SORCS1: variants seen among roughly 807,000 people sequenced by gnomAD.
SORCS1 encodes sortilin related VPS10 domain containing receptor 1, also known as VPS10 domain-containing receptor SorCS1.
In SORCS1, 60 loss-of-function variants were observed where a neutral mutation model predicts 146.1. The ratio of observed to expected loss-of-function variants is 0.41; its 90% confidence interval spans 0.33 to 0.51. SORCS1 has a LOEUF of 0.51. SORCS1 is among the 20% of genes least tolerant of loss of function. The pLI is 0.21. For synonymous variants in SORCS1, 637 were observed against 584.0 expected, an observed-to-expected ratio of 1.09 and a Z score of -1.31; for missense variants, 1,352 against 1,487.6, an observed-to-expected ratio of 0.91 and a Z score of 1.50.
intron 1 of SORCS1, among the ~76,000 whole-genome samples, chr10:107,065,625 C>A (rs1961773925): frequency 6.6e-6 from 1 of 151,554 alleles, no homozygotes. Context: ...TCAAGCGATC[C>A]TCCCACCTCA....
intron 2 of SORCS1, among the ~76,000 whole-genome samples, chr10:106,890,208 C>A (rs1951176400): frequency 6.6e-6 from 1 of 152,180 alleles, no homozygotes; most frequent in Admixed American, 6.5e-5. Context: ...TTGGCTATTT[C>A]CCTCCCATTT....
At chr10:107,143,929 C>T (rs1470761130) in intron 1 of SORCS1, among the ~76,000 whole-genome samples, 1 of 152,216 alleles carries the variant, frequency 6.6e-6, no homozygotes, top group Admixed American at 6.5e-5. Context: ...CTGCGCCCAG[C>T]CCCAAACTCT....
At chr10:106,644,978 T>C (rs1160524727) in intron 18 of SORCS1, among the ~76,000 whole-genome samples, 2 of 152,196 alleles carry the variant, frequency 1.3e-5, no homozygotes, top group Admixed American at 1.3e-4. Context: ...CTGATGAGTA[T>C]ATACTTAAAA....
intron 1 of SORCS1, among the ~76,000 whole-genome samples, chr10:107,128,784 A>T (rs1966840753): frequency 6.6e-6 from 1 of 152,176 alleles, no homozygotes; most frequent in East Asian, 1.9e-4. Context: ...GATGTTGATT[A>T]ACATCAATTC....
In SORCS1 at chr10:106,574,954, T is replaced by G. The variant is rs1844514951; in HGVS notation, c.*2466A>C. On this transcript the variant is annotated 3_prime_UTR_variant, in exon 26 of 26. Coordinates refer to ENST00000263054, the MANE Select transcript of SORCS1 (RefSeq NM_052918.5). ...GCCCATTCTTCCCTATGTCTTTCCATTCATTTATTTCTTCAACAAATAGTT... is the reference window on the plus strand; with the variant it reads ...GCCCATTCTTCCCTATGTCTTTCCAGTCATTTATTTCTTCAACAAATAGTT... 6.6e-6 allele frequency: 1 copy of G among 152,646 alleles called. No homozygotes were observed. The highest frequency in any genetic ancestry group is 1.5e-5 in the Non-Finnish European group (1 of 68,040). The allele number at this position is 152,646 out of a possible 1,614,324, so 9.5% of individuals were successfully genotyped here.
chr10:106,607,774 C>T (rs1207508493), intron 22 of SORCS1, among the ~76,000 whole-genome samples: 2 of 152,148 alleles, frequency 1.3e-5, no homozygotes, highest in Non-Finnish European at 2.9e-5. Context: ...CCTTTCTAAC[C>T]TAGCTTCCTC....
chr10:106,729,478 G>C (rs1856445065), intron 6 of SORCS1, among the ~76,000 whole-genome samples: 1 of 150,652 alleles, frequency 6.6e-6, no homozygotes, highest in African/African-American at 2.4e-5. Context: ...AGTGTTTTGT[G>C]AATCTCCAAA....
chr10:107,088,731 T>C (rs1193296007), intron 1 of SORCS1, among the ~76,000 whole-genome samples: 1 of 152,210 alleles, frequency 6.6e-6, no homozygotes, highest in Non-Finnish European at 1.5e-5. Flanking sequence ...CCTACTCATC[T>C]GTAATTTAGA....
intron 1 of SORCS1, among the ~76,000 whole-genome samples, chr10:107,151,399 C>A (rs1301259612): frequency 6.6e-6 from 1 of 152,052 alleles, no homozygotes; most frequent in Non-Finnish European, 1.5e-5. Flanking sequence ...ATACCTGAGA[C>A]TGGGAAGAAA....
At chr10:107,062,491 A>G (rs533220129) in intron 1 of SORCS1, among the ~76,000 whole-genome samples, 10 of 152,084 alleles carry the variant, frequency 6.6e-5, no homozygotes, top group Non-Finnish European at 1.5e-4. Flanking sequence ...AATACTCATG[A>G]AAACAGAAGG....
At chr10:106,643,847 A>C (rs762444519) in intron 18 of SORCS1, among the ~76,000 whole-genome samples, 2 of 152,224 alleles carry the variant, frequency 1.3e-5, no homozygotes, top group East Asian at 1.9e-4. Flanking sequence ...TATCATTTGC[A>C]CAAAGGTTGG....
At chr10:106,783,059 G>C (rs1484112806) in intron 3 of SORCS1, among the ~76,000 whole-genome samples, 1 of 152,180 alleles carries the variant, frequency 6.6e-6, no homozygotes, top group Non-Finnish European at 1.5e-5. Context: ...ACTCGGATTT[G>C]AATTTCTTCT....
At chr10:107,020,630 G>A (rs1185121866) in intron 1 of SORCS1, among the ~76,000 whole-genome samples, 1 of 152,176 alleles carries the variant, frequency 6.6e-6, no homozygotes, top group Non-Finnish European at 1.5e-5. Flanking sequence ...AAGCCCTCAT[G>A]CAGTGTGGGA....
chr10:107,046,040 G>A (rs956601874), intron 1 of SORCS1, among the ~76,000 whole-genome samples: 22 of 151,856 alleles, frequency 1.4e-4, no homozygotes, highest in East Asian at 3.9e-4. Context: ...TCTGCCTCCC[G>A]GGTTCAAGCG....
At chr10:106,993,044 A>T (rs868356920) in intron 1 of SORCS1, among the ~76,000 whole-genome samples, 39 of 148,998 alleles carry the variant, frequency 2.6e-4, no homozygotes, top group Middle Eastern at 3.5e-3. Flanking sequence ...GTTGGCCAGG[A>T]TGGTCTCTAT....
intron 3 of SORCS1, among the ~76,000 whole-genome samples, chr10:106,807,004 C>T (rs1223604767): frequency 2.0e-5 from 3 of 152,148 alleles, no homozygotes; most frequent in Non-Finnish European, 4.4e-5. Flanking sequence ...AAAAAAAGCA[C>T]ATATGTTCAC....
chr10:107,004,227 A>G (rs1468602805), intron 1 of SORCS1, among the ~76,000 whole-genome samples: 20 of 151,246 alleles, frequency 1.3e-4, no homozygotes, highest in Admixed American at 1.3e-3. Flanking sequence ...CATTGTATGT[A>G]ATAACTCCTG....
intron 5 of SORCS1, among the ~76,000 whole-genome samples, chr10:106,743,152 A>G (rs1219326483): frequency 6.6e-6 from 1 of 152,132 alleles, no homozygotes; most frequent in Non-Finnish European, 1.5e-5. Flanking sequence ...TGACAAAGAA[A>G]AGAGAGAAGT....
chr10:106,978,568 G>A (rs559659935), intron 1 of SORCS1, among the ~76,000 whole-genome samples: 1 of 152,202 alleles, frequency 6.6e-6, no homozygotes, highest in Admixed American at 6.5e-5. Context: ...GGGAGGCCGA[G>A]GCAGGCAGAT....
Sources: gnomAD v4.1 joint callset for allele counts (sites outside exome capture counted in the v4.1 genomes callset) on GRCh38, gnomAD v4.1.1 for gene constraint, MANE v1.5 for transcripts, NCBI Gene and HGNC (gene_info 2026-07-23, HGNC 2026-07-21) for gene names.